The following TTC28 variants were observed in gnomAD, a reference collection of about 807,000 sequenced individuals.
TTC28 encodes the protein tetratricopeptide repeat domain 28.
Under a neutral mutation model 198.0 loss-of-function variants are expected in TTC28, and 61 were observed. The observed-to-expected ratio is 0.31, with a 90% CI of 0.25 to 0.38. The LOEUF is 0.38. Among genes scored for constraint, TTC28 ranks in the 10% least tolerant of loss-of-function variants. The pLI, the probability that TTC28 is intolerant of heterozygous loss-of-function variation, is 1.00. For missense variants in TTC28, 2,678 were observed against 3,164.0 expected (o/e 0.85, Z 3.69); for synonymous variants, 1,171 against 1,297.8 (o/e 0.90, Z 2.10).
At chr22:28,219,486 T>TG (rs1160398642) in intron 5 of TTC28, among the ~76,000 whole-genome samples, 2 of 149,278 alleles carry the variant, frequency 1.3e-5, no homozygotes, top group East Asian at 3.9e-4. Context: ...CTGGCCTGGG[T>TG]GACAGAGGGA....
At chr22:28,084,801 C>T (rs1292352490) in intron 12 of TTC28, among the ~76,000 whole-genome samples, 1 of 152,026 alleles carries the variant, frequency 6.6e-6, no homozygotes, top group East Asian at 1.9e-4. Context: ...ATAATCAATG[C>T]AGAGAAGTCC....
chr22:28,521,127 C>T (rs1211869252), intron 2 of TTC28, among the ~76,000 whole-genome samples: 1 of 151,916 alleles, frequency 6.6e-6, no homozygotes, highest in African/African-American at 2.4e-5. Context: ...AGGCAAGGGG[C>T]AGTGGCTCAT....
At chr22:28,387,236 T>G (rs2046621469) in intron 2 of TTC28, among the ~76,000 whole-genome samples, 1 of 152,242 alleles carries the variant, frequency 6.6e-6, no homozygotes, top group Non-Finnish European at 1.5e-5. Flanking sequence ...CTTAATCCAG[T>G]CTATCATCGT....
chr22:28,130,729 T>A (rs929603649), intron 6 of TTC28, among the ~76,000 whole-genome samples: 1 of 152,250 alleles, frequency 6.6e-6, no homozygotes, highest in Admixed American at 6.5e-5. Flanking sequence ...ATGAGTGGAC[T>A]GGATCACCTC....
chr22:27,990,701 C>T, intron 20 of TTC28, 88 bp downstream of exon 20: 1 of 1,358,926 alleles, frequency 7.4e-7, no homozygotes, highest in Non-Finnish European at 1.0e-6. Flanking sequence ...CACGTGCACC[C>T]CGAGCTCAGA....
intron 1 of TTC28, among the ~76,000 whole-genome samples, chr22:28,670,704 C>CATACATATATATATATATATATATAT (rs1555909582): frequency 3.1e-5 from 4 of 128,554 alleles, no homozygotes; most frequent in African/African-American, 1.2e-4. Flanking sequence ...GTCTTTAGGG[C>CATACATATATATATATATATATATAT]ATATATATAT....
At chr22:28,323,953 T>C (rs1375182082) in intron 2 of TTC28, among the ~76,000 whole-genome samples, 1 of 152,172 alleles carries the variant, frequency 6.6e-6, no homozygotes, top group Non-Finnish European at 1.5e-5. Flanking sequence ...CAAGAGAAAG[T>C]GGCATGACAT....
chr22:28,248,151 A>G (rs1930244126), intron 5 of TTC28, among the ~76,000 whole-genome samples: 1 of 152,208 alleles, frequency 6.6e-6, no homozygotes, highest in Non-Finnish European at 1.5e-5. Context: ...AAGGCTGGGG[A>G]CAGAGAGGGG....
intron 14 of TTC28, chr22:28,007,828 C>A (rs1400840886): frequency 1.3e-5 from 2 of 152,228 alleles, no homozygotes; most frequent in Non-Finnish European, 2.9e-5. Context: ...TGCTGGTTAT[C>A]CTGGGTGCTG....
intron 5 of TTC28, among the ~76,000 whole-genome samples, chr22:28,289,799 G>A (rs1601586234): frequency 1.3e-5 from 2 of 152,312 alleles, no homozygotes; most frequent in Non-Finnish European, 2.9e-5. Flanking sequence ...GCCAAGGCGG[G>A]TGGATCACCT....
chr22:28,211,198 T>C (rs1019527862), intron 5 of TTC28, among the ~76,000 whole-genome samples: 29 of 152,160 alleles, frequency 1.9e-4, no homozygotes, highest in African/African-American at 6.3e-4. Flanking sequence ...GTAAAGACCA[T>C]TGATGCTAGG....
chr22:28,061,357 C>T (rs1405242898), intron 12 of TTC28, among the ~76,000 whole-genome samples: 2 of 152,302 alleles, frequency 1.3e-5, no homozygotes, highest in African/African-American at 2.4e-5. Context: ...TTAGGTCTAA[C>T]ACTTAAGTCT....
chr22:28,033,002 T>C (rs1158881125), intron 12 of TTC28, among the ~76,000 whole-genome samples: 1 of 152,166 alleles, frequency 6.6e-6, no homozygotes, highest in Non-Finnish European at 1.5e-5. Flanking sequence ...CTGGTAAATA[T>C]TACTCAACAA....
chr22:28,033,909 A>G (rs1168518782), intron 12 of TTC28, among the ~76,000 whole-genome samples: 1 of 152,208 alleles, frequency 6.6e-6, no homozygotes, highest in Non-Finnish European at 1.5e-5. Flanking sequence ...GCTGCTAGAT[A>G]TGCACACTAA....
At chr22:27,995,092 A>C (rs185283961) in intron 17 of TTC28, among the ~76,000 whole-genome samples, 1 of 152,190 alleles carries the variant, frequency 6.6e-6, no homozygotes, top group East Asian at 1.9e-4. Context: ...GTGCATGTAG[A>C]GCTACCATGC....
At chr22:28,191,531 C>G (rs1384222303) in intron 5 of TTC28, among the ~76,000 whole-genome samples, 1 of 152,258 alleles carries the variant, frequency 6.6e-6, no homozygotes, top group Non-Finnish European at 1.5e-5. Context: ...AGGGAATTCC[C>G]TTTCCTAGTC....
intron 2 of TTC28, among the ~76,000 whole-genome samples, chr22:28,619,071 T>C (rs1049345379): frequency 2.6e-5 from 4 of 152,116 alleles, no homozygotes; most frequent in Non-Finnish European, 5.9e-5. Flanking sequence ...TCAATAGGAA[T>C]TTTAAGGATT....
chr22:28,598,564 TACCTGAAGATC>T (rs1000731480), intron 2 of TTC28, among the ~76,000 whole-genome samples: 26 of 149,210 alleles, frequency 1.7e-4, no homozygotes, highest in African/African-American at 5.9e-4. Flanking sequence ...GGAGGTAAGT[TACCTGAAGATC>T]ACCTGAAGAT....
intron 5 of TTC28, among the ~76,000 whole-genome samples, chr22:28,174,237 TCA>T (rs932619260): frequency 2.6e-5 from 4 of 152,196 alleles, no homozygotes; most frequent in African/African-American, 7.2e-5. Context: ...TATTAATATC[TCA>T]CAGAGCCTTC....
Sources: gnomAD v4.1 joint callset for allele counts (sites outside exome capture counted in the v4.1 genomes callset) on GRCh38, gnomAD v4.1.1 for gene constraint, MANE v1.5 for transcripts, NCBI Gene and HGNC (gene_info 2026-07-23, HGNC 2026-07-21) for gene names.